The following ACOT12 variants were observed in gnomAD, a reference collection of about 807,000 sequenced individuals.
ACOT12 encodes the protein acyl-CoA thioesterase 12, also known as acetyl-coenzyme A thioesterase.
A neutral mutation model predicts 67.7 loss-of-function variants in ACOT12; 51 were observed. That is an observed-to-expected ratio of 0.75 (90% CI 0.60 to 0.95). The LOEUF (loss-of-function observed/expected upper bound fraction) is 0.95, where lower values mean the gene tolerates loss of function less well. ACOT12 is among the 40% of genes least tolerant of loss of function. The pLI, the probability that ACOT12 is intolerant of heterozygous loss-of-function variation, is 0.00. For synonymous variants in ACOT12, 251 were observed against 244.6 expected, an observed-to-expected ratio of 1.03 and a Z score of -0.24; for missense variants, 734 against 708.1, an observed-to-expected ratio of 1.04 and a Z score of -0.41.
chr5:81,392,278 G>T (rs1157315818), intron 1 of ACOT12, among the ~76,000 whole-genome samples: 1 of 152,160 alleles, frequency 6.6e-6, no homozygotes, highest in Non-Finnish European at 1.5e-5. Context: ...TTACTACACA[G>T]ATTCAGTTAC....
chr5:81,313,339 T>C, the ACOT12 span: 1 of 152,172 alleles, frequency 6.6e-6, no homozygotes, highest in Admixed American at 6.5e-5. Flanking sequence ...TTGAAATATC[T>C]CAGTTTAACA....
chr5:81,322,815 A>C, the ACOT12 span, among the ~76,000 whole-genome samples: 1 of 152,208 alleles, frequency 6.6e-6, no homozygotes, highest in Non-Finnish European at 1.5e-5. Context: ...AGTGAATGCC[A>C]GCAGGGGAAA....
chr5:81,371,670 T>C, intron 3 of ACOT12, 80 bp downstream of exon 3: 1 of 1,378,188 alleles, frequency 7.3e-7, no homozygotes, highest in South Asian at 1.2e-5. Context: ...CAAATATTAG[T>C]CTAGGCCTCC....
intron 2 of ACOT12, among the ~76,000 whole-genome samples, chr5:81,381,068 C>CTTTTTT (rs754165884): frequency 7.0e-6 from 1 of 142,318 alleles, no homozygotes. Context: ...GTATTAAAAC[C>CTTTTTT]TTTTTTTTTT....
intron 7 of ACOT12, among the ~76,000 whole-genome samples, 189 bp from the exon 8 acceptor site, chr5:81,345,230 G>T (rs1759343312): frequency 6.6e-6 from 1 of 152,132 alleles, no homozygotes; most frequent in South Asian, 2.1e-4. Flanking sequence ...AGGTCAATGG[G>T]CTGCTTTTTA....
intron 3 of ACOT12, among the ~76,000 whole-genome samples, chr5:81,365,696 T>C (rs1473570335): frequency 6.6e-6 from 1 of 152,148 alleles, no homozygotes; most frequent in Non-Finnish European, 1.5e-5. Flanking sequence ...AGCATCTACT[T>C]TCACACCTAC....
chr5:81,320,497 CTT>C, the ACOT12 span, among the ~76,000 whole-genome samples: 1 of 152,142 alleles, frequency 6.6e-6, no homozygotes. Flanking sequence ...AGTTTTCAGT[CTT>C]AATTCATACT....
At chr5:81,332,724 A>C in intron 12 of ACOT12, 119 bp from the exon 13 acceptor site, 1 of 1,189,446 alleles carries the variant, frequency 8.4e-7, no homozygotes, top group Non-Finnish European at 1.2e-6. Flanking sequence ...AGCTCACCTA[A>C]TCATCTCCCT....
chr5:81,311,605 GAAAAT>G, the ACOT12 span, among the ~76,000 whole-genome samples: 1 of 152,054 alleles, frequency 6.6e-6, no homozygotes, highest in Non-Finnish European at 1.5e-5. Context: ...AATTCACTGA[GAAAAT>G]AAAAAATATG....
At chr5:81,312,706 C>G in the ACOT12 span, 2 of 1,417,196 alleles carry the variant, frequency 1.4e-6, no homozygotes, top group South Asian at 1.2e-5. Flanking sequence ...TTGTTACTTT[C>G]TAAACCAGGC....
chr5:81,334,388 T>G (rs1366913300), intron 12 of ACOT12, among the ~76,000 whole-genome samples: 1 of 152,128 alleles, frequency 6.6e-6, no homozygotes, highest in African/African-American at 2.4e-5. Flanking sequence ...GATGCTGCCG[T>G]GGGGTCAGAG....
At position 81,330,312 on chromosome 5, in the gene ACOT12, C is replaced by T. The variant is rs541486435; in HGVS notation, c.*82G>A. On this transcript the variant is annotated 3_prime_UTR_variant, in exon 15 of 15. Transcript: ENST00000307624. ...GGTTATATTAAATTATTTTGTGGCC[C>T]CAAAGCTTGACAGATGTCAGGGCTA... 260 of 1,456,532 alleles carry T rather than the reference C, an allele frequency of 1.8e-4. No homozygotes were observed. The African/African-American group carries it at 3.5e-3, about 19-fold the overall frequency. 90.2% of individuals were successfully genotyped at this position (1,456,532 alleles called of 1,614,324 possible). A position where few individuals can be genotyped will look rare whatever the true frequency, so the allele number is the denominator to read the frequency against.
At chr5:81,385,713 C>A (rs1031170269) in intron 2 of ACOT12, 44 bp downstream of exon 2, 2 of 1,592,920 alleles carry the variant, frequency 1.3e-6, no homozygotes, top group African/African-American at 1.3e-5. Context: ...CCCAGATGAA[C>A]CCACAAACCC....
At chr5:81,311,155 G>T in the ACOT12 span, 1 of 1,592,086 alleles carries the variant, frequency 6.3e-7, no homozygotes, top group Non-Finnish European at 8.6e-7. Flanking sequence ...GCTTTGAGAT[G>T]TTAAAAACCC....
At position 81,353,765 on chromosome 5, in the gene ACOT12, C is replaced by T. The variant is rs147727098; in HGVS notation, c.497-5835G>A. On this transcript the variant is annotated intron_variant, in intron 5 of 14. Transcript: ENST00000307624. Reference sequence around the variant, plus strand: ...CTTCCGAAAGGATATGATCTGGATTCAATGTTCTCACTGTTCTAATAATAT... The same window carrying T: ...CTTCCGAAAGGATATGATCTGGATTTAATGTTCTCACTGTTCTAATAATAT... Among the ~76,000 whole-genome samples, 131 of 152,286 alleles carry T rather than the reference C, an allele frequency of 8.6e-4. 1 individual carries two copies. The highest frequency in any genetic ancestry group is 3.1e-3 in the African/African-American group (130 of 41,558).
chr5:81,379,996 C>T (rs1760531781), intron 2 of ACOT12, among the ~76,000 whole-genome samples: 1 of 152,166 alleles, frequency 6.6e-6, no homozygotes, highest in African/African-American at 2.4e-5. Context: ...TGTTACTCTA[C>T]ATACCTGTCA....
chr5:81,349,475 G>A (rs1359132651), intron 5 of ACOT12, among the ~76,000 whole-genome samples: 1 of 152,038 alleles, frequency 6.6e-6, no homozygotes, highest in Non-Finnish European at 1.5e-5. Context: ...CATCCCTGCT[G>A]TCTACGGCAA....
chr5:81,393,916 C>A (rs898032322), intron 1 of ACOT12, 72 bp downstream of exon 1: 37 of 1,273,384 alleles, frequency 2.9e-5, no homozygotes, highest in Admixed American at 2.2e-4. Context: ...TTCCTACCCC[C>A]CCCAGCCCCC....
intron 5 of ACOT12, among the ~76,000 whole-genome samples, chr5:81,348,584 T>C (rs1759456160): frequency 6.6e-6 from 1 of 152,162 alleles, no homozygotes; most frequent in African/African-American, 2.4e-5. Context: ...CTCTTTTTTT[T>C]TAGACAGTCT....
Sources: gnomAD v4.1 joint callset for allele counts (sites outside exome capture counted in the v4.1 genomes callset) on GRCh38, gnomAD v4.1.1 for gene constraint, MANE v1.5 for transcripts, NCBI Gene and HGNC (gene_info 2026-07-23, HGNC 2026-07-21) for gene names.